The following CNIH3 variants were observed in gnomAD, a reference collection of about 807,000 sequenced individuals.
CNIH3 encodes the protein cornichon family AMPA receptor auxiliary protein 3, also known as protein cornichon homolog 3.
A neutral mutation model predicts 24.1 loss-of-function variants in CNIH3; 14 were observed. That is an observed-to-expected ratio of 0.58 (90% CI 0.38 to 0.91). The LOEUF is 0.91. CNIH3 is among the 40% of genes least tolerant of loss of function. The pLI, the probability that CNIH3 is intolerant of heterozygous loss-of-function variation, is 0.00. For missense variants in CNIH3, 178 were observed against 196.8 expected, an observed-to-expected ratio of 0.90 and a Z score of 0.57; for synonymous variants, 68 against 73.8, an observed-to-expected ratio of 0.92 and a Z score of 0.40.
At chr1:224,709,165 C>G (rs568362108) in intron 3 of CNIH3, among the ~76,000 whole-genome samples, 338 of 149,598 alleles carry the variant, frequency 2.3e-3, no homozygotes, top group African/African-American at 7.6e-3. Flanking sequence ...TGGGCTCTCC[C>G]CTAAGTGTGG....
chr1:224,581,125 T>C (rs1392304973), intron 4 of CNIH3, among the ~76,000 whole-genome samples: 1 of 152,210 alleles, frequency 6.6e-6, no homozygotes, highest in African/African-American at 2.4e-5. Flanking sequence ...GCTTAATTTT[T>C]CCCTGTTGGC....
At chr1:224,639,808 C>T (rs1309683027) in intron 1 of CNIH3, among the ~76,000 whole-genome samples, 1 of 152,212 alleles carries the variant, frequency 6.6e-6, no homozygotes, top group East Asian at 1.9e-4. Context: ...TATACCCTTT[C>T]TGCTGACCCC....
rs1683041434 is a variant in CNIH3 at position 224,617,115 on chromosome 1, G to C, written c.-60G>C. The C allele has an allele frequency of 6.2e-7, 1 of 1,601,180 alleles. No homozygotes were observed. Among genetic ancestry groups the C allele is most frequent in the South Asian group, 1.1e-5 (1 of 88,628 alleles). ...CCTTGGAGGGAGTGCGGTCCTCTAG[G>C]GAGGCATCGGGCTCCTAGGGGCTTC... On this transcript the variant is annotated 5_prime_UTR_variant, in exon 1 of 6. Coordinates refer to ENST00000272133, the MANE Select transcript of CNIH3 (RefSeq NM_152495.2).
upstream of CNIH3, among the ~76,000 whole-genome samples, chr1:224,612,866 C>T (rs1011758216): frequency 3.9e-5 from 6 of 151,984 alleles, no homozygotes; most frequent in African/African-American, 1.5e-4. This position sits in a 1 kb window ranked among gnomAD's most constrained non-coding sequence, Gnocchi z 4.7. Flanking sequence ...AGTACAATTA[C>T]TACAATGAAA....
upstream of CNIH3, chr1:224,615,884 T>C (rs1488300584): frequency 1.3e-5 from 2 of 152,372 alleles, no homozygotes; most frequent in African/African-American, 4.8e-5. Flanking sequence ...AGGCTTGCAC[T>C]GTATCCCCAA....
At chr1:224,462,637 ATTTTT>A in intron 1 of CNIH3, among the ~76,000 whole-genome samples, 1 of 119,380 alleles carries the variant, frequency 8.4e-6, no homozygotes, top group East Asian at 2.5e-4. Flanking sequence ...TCTGGACCCA[ATTTTT>A]TTTTTTTTTT....
intron 1 of CNIH3, among the ~76,000 whole-genome samples, chr1:224,651,885 G>T (rs558318771): frequency 6.6e-6 from 1 of 152,266 alleles, no homozygotes; most frequent in Non-Finnish European, 1.5e-5. Context: ...GTTAATAATA[G>T]ATATTATTAG....
At chr1:224,479,457 C>T (rs559152679) in intron 1 of CNIH3, among the ~76,000 whole-genome samples, 1 of 152,210 alleles carries the variant, frequency 6.6e-6, no homozygotes, top group South Asian at 2.1e-4. Context: ...CCCGGCAGTC[C>T]CCCAAAGTCT....
At chr1:224,612,708 G>A (rs973845557), upstream of CNIH3, among the ~76,000 whole-genome samples, 1 of 152,186 alleles carries the variant, frequency 6.6e-6, no homozygotes, top group African/African-American at 2.4e-5. The surrounding 1 kb of genome is among the most constrained non-coding windows in gnomAD (Gnocchi z 4.7). Context: ...TCAAATGACT[G>A]TAAGAAAACT....
intron 1 of CNIH3, among the ~76,000 whole-genome samples, chr1:224,445,820 C>T (rs1003612708): frequency 2.0e-5 from 3 of 152,150 alleles, no homozygotes; most frequent in African/African-American, 4.8e-5. Flanking sequence ...AGTCATTTCT[C>T]GTCCTCAAGG....
intron 1 of CNIH3, among the ~76,000 whole-genome samples, chr1:224,504,466 C>G (rs1473315340): frequency 6.6e-6 from 1 of 152,184 alleles, no homozygotes; most frequent in East Asian, 1.9e-4. Flanking sequence ...TCCTCTCCCC[C>G]TAAGAAAGTT....
chr1:224,560,584 G>T (rs568674365), intron 3 of CNIH3, among the ~76,000 whole-genome samples: 1 of 152,140 alleles, frequency 6.6e-6, no homozygotes, highest in South Asian at 2.1e-4. Context: ...TCTCATAGGA[G>T]CGTGAACCCT....
chr1:224,570,350 G>T (rs1210787686), intron 4 of CNIH3, among the ~76,000 whole-genome samples: 1 of 151,932 alleles, frequency 6.6e-6, no homozygotes, highest in Non-Finnish European at 1.5e-5. Context: ...TCCAGTGTCT[G>T]TTGTTGCCAC....
At chr1:224,446,212 G>GTTTTTTTTTTTTTT (rs35812016) in intron 1 of CNIH3, among the ~76,000 whole-genome samples, 10 of 108,876 alleles carry the variant, frequency 9.2e-5, no homozygotes, top group Admixed American at 9.8e-5. Flanking sequence ...TTTCAACTTT[G>GTTTTTTTTTTTTTT]TTTTTTTTTT....
chr1:224,596,915 G>A (rs151282533), intron 3 of CNIH3, among the ~76,000 whole-genome samples: 78 of 152,244 alleles, frequency 5.1e-4, no homozygotes, highest in African/African-American at 1.8e-3. Flanking sequence ...CACTTTGGGA[G>A]ACCAAGGCGG....
intron 3 of CNIH3, among the ~76,000 whole-genome samples, chr1:224,719,786 C>G (rs1034938345): frequency 6.6e-6 from 1 of 152,244 alleles, no homozygotes; most frequent in African/African-American, 2.4e-5. Context: ...CTACTATTTT[C>G]ACTAAGACAC....
intron 2 of CNIH3, among the ~76,000 whole-genome samples, chr1:224,544,374 A>G (rs1679624166): frequency 1.3e-5 from 2 of 152,158 alleles, no homozygotes; most frequent in South Asian, 4.1e-4. Flanking sequence ...CTTATTTTCC[A>G]CTGGCATTGA....
At chr1:224,560,608 C>T (rs1680325972) in intron 3 of CNIH3, among the ~76,000 whole-genome samples, 2 of 151,960 alleles carry the variant, frequency 1.3e-5, no homozygotes, top group Admixed American at 6.6e-5. Flanking sequence ...GTGAGCTGTG[C>T]ATGCAAGAGA....
chr1:224,691,851 G>A (rs1476484800), intron 3 of CNIH3, among the ~76,000 whole-genome samples: 5 of 152,208 alleles, frequency 3.3e-5, no homozygotes, highest in African/African-American at 1.2e-4. Flanking sequence ...CTTTGCCAGA[G>A]TCCAGCCATT....
Sources: allele counts gnomAD v4.1 joint callset (sites outside exome capture counted in the v4.1 genomes callset), GRCh38; gene constraint gnomAD v4.1.1; non-coding constraint Gnocchi (gnomAD v3.1); transcripts MANE v1.5; gene names NCBI Gene and HGNC (gene_info 2026-07-23, HGNC 2026-07-21).